CDC23: variants seen among roughly 807,000 people sequenced by gnomAD.
CDC23 encodes cell division cycle protein 23 homolog.
In CDC23, 26 loss-of-function variants were observed where a neutral mutation model predicts 81.7. The ratio of observed to expected loss-of-function variants is 0.32; its 90% CI spans 0.23 to 0.44. The LOEUF (loss-of-function observed/expected upper bound fraction) is 0.44, where lower values mean the gene tolerates loss of function less well. CDC23 is among the 20% of genes least tolerant of loss of function. The pLI is 1.00. For synonymous variants in CDC23, 267 were observed against 270.8 expected (o/e 0.99, Z 0.14); for missense variants, 519 against 728.0 (o/e 0.71, Z 3.30).
intron 3 of CDC23, among the ~76,000 whole-genome samples, chr5:138,204,100 A>C (rs1755020627): frequency 6.6e-6 from 1 of 152,246 alleles, no homozygotes; most frequent in Non-Finnish European, 1.5e-5. Context: ...ACTTATTCTC[A>C]AATGGTTCAG....
rs1323349272 is a variant in CDC23 at position 138,201,461 on chromosome 5, C to T, written c.416-13G>A. Reference sequence around the variant, plus strand: ...TTTTCCAGGGGGCCTAGGAAAGAAACAGAGTCTCTGTTCTAAGGTTAGGAT... The same window carrying T: ...TTTTCCAGGGGGCCTAGGAAAGAAATAGAGTCTCTGTTCTAAGGTTAGGAT... On this transcript the variant is annotated splice_polypyrimidine_tract_variant and intron_variant, in intron 4 of 15. Coordinates refer to ENST00000394886, the MANE Select transcript of CDC23 (RefSeq NM_004661.4). 2 of 1,570,704 alleles carry T rather than the reference C, an allele frequency of 1.3e-6. No homozygotes were observed. The highest frequency in any genetic ancestry group is 1.8e-6 in the Non-Finnish European group (2 of 1,142,062).
rs773857595 is a variant in CDC23, at chr5:138,213,235, G to T, written c.78C>A (p.Phe26Leu). 1 of 1,614,132 alleles carries T rather than the reference G, an allele frequency of 6.2e-7. No homozygotes were observed. Reference sequence around the variant, plus strand: ...GCTTTTTAATTTCCCGCAAATCTGAGAAATCGCTGTTTATGGACAGGACAG... The same window carrying T: ...GCTTTTTAATTTCCCGCAAATCTGATAAATCGCTGTTTATGGACAGGACAG... The part of the protein sequence containing the change: ...VAPVLSINSD[F>L]SDLREIKKQL... Residue 26 changes from phenylalanine (F) to leucine (L), a missense_variant, in exon 1 of 16, where the codon TTC becomes TTA. This residue lies in a region of CDC23 where 126 missense variants were observed against 116.2 expected (regional missense o/e 1.08). Transcript: ENST00000394886.
chr5:138,210,215 CAAAAAAA>C (rs374700363), intron 2 of CDC23, among the ~76,000 whole-genome samples: 2 of 114,054 alleles, frequency 1.8e-5, no homozygotes, highest in Admixed American at 9.5e-5. Context: ...GACTCCGTCT[CAAAAAAA>C]AAAAAAAAAA....
rs756444059 is a variant in CDC23, at chr5:138,206,720, A to G, written c.235-36T>C. 1.9e-6 allele frequency: 3 copies of G among 1,566,780 alleles called. No homozygotes were observed. In the South Asian group the frequency reaches 3.6e-5, roughly 19 times the overall value. On this transcript the variant is annotated intron_variant, in intron 2 of 15. Transcript: ENST00000394886. ...AACAAGCTTATGTAAGTGGTTGGGA[A>G]TAGGACAACAAAACTTCAAATCTAA...
At chr5:138,212,011 A>G (rs769524193) in intron 2 of CDC23, among the ~76,000 whole-genome samples, 1 of 152,236 alleles carries the variant, frequency 6.6e-6, no homozygotes, top group Non-Finnish European at 1.5e-5. Flanking sequence ...CATTATCTAT[A>G]GATGAGAAGG....
At chr5:138,208,641 G>A (rs760526016) in intron 2 of CDC23, among the ~76,000 whole-genome samples, 3 of 152,042 alleles carry the variant, frequency 2.0e-5, no homozygotes, top group Admixed American at 6.6e-5. Context: ...AAATATATTC[G>A]TAACAGTCGA....
In CDC23 at chr5:138,192,115, T is replaced by C. The variant is rs1224053749; in HGVS notation, c.1286+154A>G. ...CTATTAACCCATTAGTGAAATATAC[T>C]AAATGAAAATAACCAAACAGCCTTC... On this transcript the variant is annotated intron_variant, in intron 11 of 15. Coordinates refer to ENST00000394886, the MANE Select transcript of CDC23 (RefSeq NM_004661.4). 3.0e-6 allele frequency: 3 copies of C among 993,586 alleles called. No individual in the cohort carries two copies. The African/African-American group carries it at 4.9e-5, about 16-fold the overall frequency. The allele number at this position is 993,586 out of a possible 1,614,324, so 61.5% of individuals were successfully genotyped here.
intron 13 of CDC23, chr5:138,190,178 C>T (rs1449691445): frequency 4.9e-6 from 2 of 408,762 alleles, no homozygotes; most frequent in Non-Finnish European, 8.9e-6. Flanking sequence ...TAGTAATACC[C>T]AGAGTAAAGT....
At chr5:138,195,503 AT>A (rs1025113647) in intron 9 of CDC23, among the ~76,000 whole-genome samples, 1 of 127,306 alleles carries the variant, frequency 7.9e-6, no homozygotes, top group African/African-American at 3.0e-5. Context: ...TATGTAAAAA[AT>A]ATATATATAT....
chr5:138,208,881 T>C (rs1204497131), intron 2 of CDC23, among the ~76,000 whole-genome samples: 1 of 152,154 alleles, frequency 6.6e-6, no homozygotes, highest in Admixed American at 6.6e-5. Flanking sequence ...CTCAGCCTCC[T>C]GGGCTCAAGT....
intron 3 of CDC23, among the ~76,000 whole-genome samples, chr5:138,204,139 G>A (rs542364994): frequency 7.7e-4 from 117 of 152,302 alleles, no homozygotes; most frequent in Non-Finnish European, 1.4e-3. Context: ...GTATGCACAC[G>A]TTGTGTAGAG....
At chr5:138,204,527 T>G (rs528000971) in intron 3 of CDC23, among the ~76,000 whole-genome samples, 1 of 150,804 alleles carries the variant, frequency 6.6e-6, no homozygotes, top group Non-Finnish European at 1.5e-5. Context: ...AAAAAGTACA[T>G]AAGTATTCTT....
chr5:138,200,954 G>A, intron 6 of CDC23, 153 bp downstream of exon 6: 1 of 715,680 alleles, frequency 1.4e-6, no homozygotes, highest in South Asian at 2.0e-5. Context: ...TTCAAACAAA[G>A]ACTTACTTCC....
intron 6 of CDC23, 87 bp downstream of exon 6, chr5:138,201,020 T>G: frequency 6.8e-7 from 1 of 1,469,912 alleles, no homozygotes; most frequent in Non-Finnish European, 9.2e-7. Flanking sequence ...ACCAAAGCCC[T>G]GCCAAAACTT....
At chr5:138,190,021 A>T (rs1754808758) in intron 13 of CDC23, 115 bp from the exon 14 acceptor site, 1 of 771,978 alleles carries the variant, frequency 1.3e-6, no homozygotes, top group South Asian at 1.6e-5. Context: ...ATCAATTTTG[A>T]CATAAATGAC....
chr5:138,204,684 A>T (rs1203543246), intron 3 of CDC23, among the ~76,000 whole-genome samples: 1 of 149,356 alleles, frequency 6.7e-6, no homozygotes, highest in Non-Finnish European at 1.5e-5. Flanking sequence ...TAGTGGTATG[A>T]TCTCGGCTCA....
chr5:138,195,712 TA>T (rs1754888558), intron 9 of CDC23, among the ~76,000 whole-genome samples: 9 of 65,542 alleles, frequency 1.4e-4, no homozygotes, highest in East Asian at 7.7e-4. Flanking sequence ...TATATACATA[TA>T]ATATATATGT....
intron 9 of CDC23, among the ~76,000 whole-genome samples, chr5:138,195,741 A>ATATATGTATATATATACATATATAT (rs1754891869): frequency 8.4e-6 from 1 of 118,816 alleles, no homozygotes; most frequent in Non-Finnish European, 1.7e-5. Context: ...TACATATAAT[A>ATATATGTATATATATACATATATAT]TATATGTATA....
chr5:138,198,588 T>G lies in CDC23; in HGVS notation c.832+17A>C, dbSNP rs1172239835. The G allele has an allele frequency of 6.2e-7, 1 of 1,613,858 alleles. No homozygotes were observed. Among genetic ancestry groups the G allele is most frequent in the Non-Finnish European group, 8.5e-7 (1 of 1,179,776 alleles). On this transcript the variant is annotated intron_variant, in intron 7 of 15. Transcript: ENST00000394886. ...CTGTCAGGGTCTGATAGTATTTCATTGTCTTTATTCACTCACCTCTGATAT... is the reference window on the plus strand; with the variant it reads ...CTGTCAGGGTCTGATAGTATTTCATGGTCTTTATTCACTCACCTCTGATAT...
Sources: gnomAD v4.1 joint callset for allele counts (sites outside exome capture counted in the v4.1 genomes callset) on GRCh38, gnomAD v4.1.1 for gene constraint, gnomAD v4.1.1 regional missense constraint, MANE v1.5 for transcripts, NCBI Gene and HGNC (gene_info 2026-07-23, HGNC 2026-07-21) for gene names.